Variants in CSF1R observed in about 807,000 individuals in gnomAD.
CSF1R encodes the protein macrophage colony-stimulating factor 1 receptor.
In CSF1R, 40 loss-of-function variants were observed where a neutral mutation model predicts 110.0. That is an observed-to-expected ratio of 0.36 (90% confidence interval 0.28 to 0.47). The LOEUF (loss-of-function observed/expected upper bound fraction) is 0.47, where lower values mean the gene tolerates loss of function less well. Among genes scored for constraint, CSF1R ranks in the 20% least tolerant of loss-of-function variants. CSF1R has a pLI of 0.99. For missense variants in CSF1R, 1,052 were observed against 1,253.0 expected, an observed-to-expected ratio of 0.84 and a Z score of 2.42; for synonymous variants, 523 against 503.4, an observed-to-expected ratio of 1.04 and a Z score of -0.52.
At chr5:150,059,991 G>T in intron 13 of CSF1R, 129 bp from the exon 14 acceptor site, 3 of 1,065,496 alleles carry the variant, frequency 2.8e-6, no homozygotes, top group Non-Finnish European at 3.9e-6. Flanking sequence ...CCTCGGCTCT[G>T]TGAGCAAGTT....
rs1252618739 is a variant in CSF1R at position 150,081,875 on chromosome 5, G to A, written c.50-851C>T. On this transcript the variant is annotated intron_variant, in intron 1 of 20. Transcript: ENST00000675795. ...ATCAGGCTGTCCGGGAAGAAGGCCC[G>A]TTGCCTCTGCAGCGTCAGCATTTTT... Among the ~76,000 whole-genome samples the A allele has an allele frequency of 4.6e-5, 7 of 152,194 alleles. No homozygotes were observed. In the East Asian group the frequency reaches 5.8e-4, roughly 13 times the overall value.
chr5:150,062,855 G>A (rs1246100455), intron 10 of CSF1R, among the ~76,000 whole-genome samples: 1 of 152,164 alleles, frequency 6.6e-6, no homozygotes, highest in Non-Finnish European at 1.5e-5. Flanking sequence ...ATCAGAGGAA[G>A]AATTTTCCAG....
rs1757543698 is a variant in CSF1R at position 150,061,809 on chromosome 5, T to C, written c.1667A>G (p.Tyr556Cys). 1.2e-6 allele frequency: 2 copies of C among 1,614,194 alleles called. No individual in the cohort carries two copies. The highest frequency in any genetic ancestry group is 1.7e-6 in the Non-Finnish European group (2 of 1,180,020). The change falls in exon 11 of 21, where the codon TAT becomes TGT. Residue 556 changes from tyrosine (Y) to cysteine (C), a missense_variant. Physicochemically the swap from Tyr to Cys is radical, Grantham distance 194. Transcript: ENST00000675795. The stretch of plus-strand genomic sequence containing the variant: ...GATGAAAGTATAACTGTTGCCCTCA[T>C]AGCTCTCGATGATCTTCCAGCGGAC... ...YQVRWKIIES[Y>C]EGNSYTFIDP... is the part of the protein sequence containing the mutation.
intron 5 of CSF1R, among the ~76,000 whole-genome samples, chr5:150,076,411 G>A (rs950497172): frequency 6.6e-6 from 1 of 151,778 alleles, no homozygotes; most frequent in Admixed American, 6.6e-5. Context: ...GGCAGTTACT[G>A]TTAATATCTT....
chr5:150,065,440 T>C (rs2113799259), intron 10 of CSF1R, among the ~76,000 whole-genome samples: 1 of 152,028 alleles, frequency 6.6e-6, no homozygotes, highest in Admixed American at 6.6e-5. Flanking sequence ...CCTTTTCTCT[T>C]CCCCCACGGC....
At chr5:150,083,817 A>C (rs1302524081) in intron 1 of CSF1R, among the ~76,000 whole-genome samples, 1 of 152,164 alleles carries the variant, frequency 6.6e-6, no homozygotes, top group Non-Finnish European at 1.5e-5. Flanking sequence ...TTCCCTATGT[A>C]AAGAGCCAAT....
chr5:150,070,216 C>T lies in CSF1R; in HGVS notation c.1285G>A (p.Val429Met), dbSNP rs776196303. The T allele has an allele frequency of 1.9e-6, 3 of 1,614,104 alleles. No individual in the cohort carries two copies. Among genetic ancestry groups the T allele is most frequent in the African/African-American group, 1.3e-5 (1 of 75,042 alleles). The change falls in exon 8 of 21, where the codon GTG becomes ATG. Residue 429 changes from valine to methionine, a missense_variant. By Grantham distance (21) the Val-to-Met change is conservative. This residue lies in a region of CSF1R where 693 missense variants were observed against 735.4 expected (regional missense o/e 0.94). Transcript: ENST00000675795. ...TGGCCACTGCACTGCAGCCATGTCA[C>T]GTTGGGCTGGGGGTACCCAGAGGCA... ...CAASGYPQPN[V>M]TWLQCSGHTD...
rs1758120590 is a variant in CSF1R, at chr5:150,073,507, C to T, written c.890-14G>A. ...AGTAGGCACTCTCTGGAAAGCAGAACACACAAGCATCTGGCATTAGTGGGA... is the reference window on the plus strand; with the variant it reads ...AGTAGGCACTCTCTGGAAAGCAGAATACACAAGCATCTGGCATTAGTGGGA... On this transcript the variant is annotated splice_polypyrimidine_tract_variant and intron_variant, in intron 5 of 20. Coordinates refer to ENST00000675795, the MANE Select transcript of CSF1R (RefSeq NM_001288705.3). 4 of 1,607,868 alleles carry T rather than the reference C, an allele frequency of 2.5e-6. No homozygotes were observed. Among genetic ancestry groups the T allele is most frequent in the African/African-American group, 2.7e-5 (2 of 74,940 alleles).
intron 3 of CSF1R, among the ~76,000 whole-genome samples, chr5:150,079,021 C>G (rs900130551): frequency 1.3e-5 from 2 of 152,224 alleles, no homozygotes; most frequent in Non-Finnish European, 2.9e-5. Context: ...AGCAAGATGC[C>G]TGATGCACAG....
intron 3 of CSF1R, 150 bp from the exon 4 acceptor site, chr5:150,078,398 G>T: frequency 1.0e-6 from 1 of 981,550 alleles, no homozygotes; most frequent in Non-Finnish European, 1.5e-6. Flanking sequence ...GATGCTCCCA[G>T]TCCCCCCACT....
chr5:150,079,970 G>A, intron 3 of CSF1R, 82 bp downstream of exon 3: 2 of 1,510,368 alleles, frequency 1.3e-6, no homozygotes, highest in Non-Finnish European at 1.8e-6. Flanking sequence ...ATCACACCCA[G>A]TCCCCAGTCA....
Position 150,080,850 on chromosome 5 carries a change from G to A in CSF1R, c.224C>T (p.Thr75Ile), listed in dbSNP as rs748096324. ...SSSILSTNNA[T>I]FQNTGTYRCT... ...GCGATAGGTCCCCGTGTTTTGGAAG[G>A]TAGCGTTGTTGGTGCTGAGGATGCT... Residue 75 changes from threonine to isoleucine, a missense_variant, in exon 2 of 21, where the codon ACC becomes ATC. By Grantham distance (89) the Thr-to-Ile change is moderately conservative. This residue lies in a region of CSF1R where 693 missense variants were observed against 735.4 expected (regional missense o/e 0.94). Coordinates refer to ENST00000675795, the MANE Select transcript of CSF1R (RefSeq NM_001288705.3). The A allele has an allele frequency of 2.2e-5, 35 of 1,614,200 alleles. No individual in the cohort carries two copies. In the East Asian group the frequency reaches 7.4e-4, roughly 34 times the overall value.
chr5:150,074,443 G>A (rs1758173480), intron 5 of CSF1R, among the ~76,000 whole-genome samples: 1 of 151,944 alleles, frequency 6.6e-6, no homozygotes, highest in African/African-American at 2.4e-5. Context: ...GAGTAGCTGG[G>A]ACAACAGTTG....
At chr5:150,081,862 G>A (rs572358338) in intron 1 of CSF1R, among the ~76,000 whole-genome samples, 21 of 152,320 alleles carry the variant, frequency 1.4e-4, no homozygotes, top group East Asian at 3.9e-4. Context: ...CAGGCTGTCC[G>A]GGAAGAAGGC....
Position 150,078,157 on chromosome 5 carries a change from G to C in CSF1R, c.684C>G (p.Ser228Arg). The C allele has an allele frequency of 2.5e-6, 4 of 1,614,122 alleles. No individual in the cohort carries two copies. The highest frequency in any genetic ancestry group is 3.4e-6 in the Non-Finnish European group (4 of 1,180,012). ...EAAQIVCSAS[S>R]VDVNFDVFLQ... ...GGAAGACATCAAAGTTAACATCAAC[G>C]CTGCTGGCTGAGCACACGATCTGGG... Residue 228 changes from serine to arginine, a missense_variant, in exon 4 of 21, where the codon AGC (serine) becomes AGG (arginine). Coordinates refer to ENST00000675795, the MANE Select transcript of CSF1R (RefSeq NM_001288705.3).
In CSF1R at chr5:150,086,251, T is replaced by G. The variant is rs116361833; in HGVS notation, c.49+128A>C. Reference sequence around the variant, plus strand: ...TCTCCAAAGCAGATACCCACAAGCCTGCAGTCCAGTGTTGGGGAGACTAAA... The same window carrying G: ...TCTCCAAAGCAGATACCCACAAGCCGGCAGTCCAGTGTTGGGGAGACTAAA... On this transcript the variant is annotated intron_variant, in intron 1 of 20. Transcript: ENST00000675795. 1,172 of 859,540 alleles carry G rather than the reference T, an allele frequency of 1.4e-3. 12 individuals are homozygous for G. The African/African-American group carries it at 0.017, about 13-fold the overall frequency. 53.2% of individuals were successfully genotyped at this position (859,540 alleles called of 1,614,324 possible). A position where few individuals can be genotyped will look rare whatever the true frequency, so the allele number is the denominator to read the frequency against.
chr5:150,086,435 G>A lies in CSF1R; in HGVS notation c.-8C>T. The A allele has an allele frequency of 6.2e-7, 1 of 1,608,300 alleles. No individual in the cohort carries two copies. Among genetic ancestry groups the A allele is most frequent in the Admixed American group, 1.7e-5 (1 of 59,296 alleles). Reference sequence around the variant, plus strand: ...CAGAACTCCTGGGCCCATGGCCTCGGTGGGGAAGTGGCAGGCAGGTGCAGG... The same window carrying A: ...CAGAACTCCTGGGCCCATGGCCTCGATGGGGAAGTGGCAGGCAGGTGCAGG... On this transcript the variant is annotated 5_prime_UTR_variant, in exon 1 of 21. Transcript: ENST00000675795.
At chr5:150,056,001 G>T in intron 18 of CSF1R, 25 bp downstream of exon 18, 4 of 1,606,594 alleles carry the variant, frequency 2.5e-6, no homozygotes, top group Non-Finnish European at 3.4e-6. Context: ...CCCAGGCTCT[G>T]CCTGGAGTGG....
intron 1 of CSF1R, among the ~76,000 whole-genome samples, chr5:150,092,434 G>GT (rs33981023): frequency 0.18 from 27,976 of 152,070 alleles, 2,693 homozygotes; most frequent in African/African-American, 0.24. Context: ...TATATGCCAT[G>GT]TTTTTTTCCT....
Sources: allele counts gnomAD v4.1 joint callset (sites outside exome capture counted in the v4.1 genomes callset), GRCh38; gene constraint gnomAD v4.1.1; regional missense constraint gnomAD v4.1.1; transcripts MANE v1.5; gene names NCBI Gene and HGNC (gene_info 2026-07-23, HGNC 2026-07-21).